The following PLCL2 variants were observed in gnomAD, a reference collection of about 807,000 sequenced individuals.
PLCL2 encodes the protein inactive phospholipase C-like protein 2.
PLCL2 carries 4 observed loss-of-function variants against 79.6 expected under a neutral mutation model. The ratio of observed to expected loss-of-function variants is 0.05; its 90% CI spans 0.02 to 0.11. The LOEUF (loss-of-function observed/expected upper bound fraction) is 0.11, where lower values mean the gene tolerates loss of function less well. Ranked by LOEUF, PLCL2 falls within the 10% of genes least tolerant of loss-of-function variation. The pLI is 1.00. For missense variants in PLCL2, 895 were observed against 1,291.0 expected, an observed-to-expected ratio of 0.69 and a Z score of 4.70; for synonymous variants, 484 against 457.7, an observed-to-expected ratio of 1.06 and a Z score of -0.73.
chr3:16,995,035 A>G (rs922249533), intron 1 of PLCL2, among the ~76,000 whole-genome samples: 2 of 152,366 alleles, frequency 1.3e-5, no homozygotes, highest in African/African-American at 2.4e-5. Context: ...AAGCCAAGCA[A>G]CAGCAGGATC....
chr3:17,088,433 GA>G (rs1232288039), intron 5 of PLCL2, among the ~76,000 whole-genome samples: 1 of 151,974 alleles, frequency 6.6e-6, no homozygotes, highest in Non-Finnish European at 1.5e-5. Flanking sequence ...AAGGGGATGG[GA>G]AAAAATAGCA....
chr3:17,010,203 A>G lies in PLCL2; in HGVS notation c.857A>G (p.His286Arg), dbSNP rs934592219. 1 of 1,614,146 alleles carries G rather than the reference A, an allele frequency of 6.2e-7. No homozygotes were observed. ...FSEIDVDNLGHITLCNAVQCI... is the reference protein window; with the variant it reads ...FSEIDVDNLGRITLCNAVQCI... ...GAAATTGATGTAGATAACCTTGGACATATAACTCTGTGTAATGCTGTGCAA... is the reference window on the plus strand; with the variant it reads ...GAAATTGATGTAGATAACCTTGGACGTATAACTCTGTGTAATGCTGTGCAA... The change falls in exon 2 of 6, where the codon CAT becomes CGT. Residue 286 changes from histidine to arginine, a missense_variant. Coordinates refer to ENST00000615277, the MANE Select transcript of PLCL2 (RefSeq NM_001144382.2). This position sits in a 1 kb window ranked among gnomAD's most constrained non-coding sequence, Gnocchi z 5.8.
At chr3:17,089,400 TAAAAG>T (rs1280518586) in intron 5 of PLCL2, among the ~76,000 whole-genome samples, 1 of 152,020 alleles carries the variant, frequency 6.6e-6, no homozygotes, top group East Asian at 1.9e-4. Flanking sequence ...AATCAAACCT[TAAAAG>T]GGAAAAAACA....
At chr3:16,985,825 G>T (rs1416586711) in intron 1 of PLCL2, among the ~76,000 whole-genome samples, 1 of 152,134 alleles carries the variant, frequency 6.6e-6, no homozygotes, top group East Asian at 1.9e-4. Context: ...TGTTTCCAGT[G>T]GCAGCTGCTG....
chr3:17,048,744 G>A (rs1219761713), intron 4 of PLCL2, among the ~76,000 whole-genome samples: 1 of 152,192 alleles, frequency 6.6e-6, no homozygotes, highest in African/African-American at 2.4e-5. Flanking sequence ...CTCTGACTGA[G>A]CAGTTTATCA....
chr3:16,921,838 T>C (rs1256612941), intron 1 of PLCL2, among the ~76,000 whole-genome samples: 2 of 152,186 alleles, frequency 1.3e-5, no homozygotes, highest in African/African-American at 4.8e-5. Context: ...GATTGAACTG[T>C]TCTTTAAGTA....
intron 1 of PLCL2, among the ~76,000 whole-genome samples, chr3:16,895,220 T>C (rs1210363779): frequency 6.6e-6 from 1 of 152,122 alleles, no homozygotes; most frequent in Admixed American, 6.5e-5. Context: ...TTAATGAAAA[T>C]TCTTAATTTT....
chr3:17,000,519 G>A (rs2064198068), intron 1 of PLCL2, among the ~76,000 whole-genome samples: 1 of 151,970 alleles, frequency 6.6e-6, no homozygotes, highest in African/African-American at 2.4e-5. Flanking sequence ...CTACTGTGCT[G>A]TCAAACTCTA....
At chr3:17,029,867 A>G (rs1575595092) in intron 3 of PLCL2, among the ~76,000 whole-genome samples, 1 of 151,854 alleles carries the variant, frequency 6.6e-6, no homozygotes, top group South Asian at 2.1e-4. Context: ...TCCTTATCTC[A>G]CCTGCCACCA....
chr3:16,928,410 G>C (rs142626024), intron 1 of PLCL2, among the ~76,000 whole-genome samples: 74 of 152,334 alleles, frequency 4.9e-4, no homozygotes, highest in Non-Finnish European at 9.7e-4. Context: ...ATTGAGGCAA[G>C]GGACTGTATG....
intron 4 of PLCL2, among the ~76,000 whole-genome samples, chr3:17,060,806 G>A (rs1344508923): frequency 6.6e-6 from 1 of 151,956 alleles, no homozygotes; most frequent in African/African-American, 2.4e-5. Flanking sequence ...CATCTTTCAG[G>A]AAATATATCA....
At chr3:17,065,563 A>G (rs986006269) in intron 4 of PLCL2, among the ~76,000 whole-genome samples, 3 of 152,190 alleles carry the variant, frequency 2.0e-5, no homozygotes, top group Non-Finnish European at 4.4e-5. Flanking sequence ...ACAGGTGATC[A>G]AGTGTTCAGC....
chr3:17,031,501 G>A (rs2064581702), intron 3 of PLCL2, among the ~76,000 whole-genome samples: 1 of 152,298 alleles, frequency 6.6e-6, no homozygotes, highest in African/African-American at 2.4e-5. Flanking sequence ...AGGATGTCGT[G>A]TAAACATATC....
intron 4 of PLCL2, 55 bp from the exon 5 acceptor site, chr3:17,067,901 C>T: frequency 1.1e-6 from 1 of 948,496 alleles, no homozygotes; most frequent in Non-Finnish European, 1.6e-6. Flanking sequence ...ATTTCCAGTT[C>T]ATTACCACAG....
intron 1 of PLCL2, among the ~76,000 whole-genome samples, chr3:16,991,258 A>T (rs1256345086): frequency 6.6e-6 from 1 of 152,144 alleles, no homozygotes. Context: ...CTGAAATGGG[A>T]TGATAGGTCC....
At chr3:17,038,106 A>G (rs771305867) in intron 3 of PLCL2, among the ~76,000 whole-genome samples, 2 of 152,146 alleles carry the variant, frequency 1.3e-5, no homozygotes, top group Non-Finnish European at 2.9e-5. Flanking sequence ...CCTGCTTTTC[A>G]TCTGCTCAAA....
chr3:17,002,690 A>G (rs941718577), intron 1 of PLCL2, among the ~76,000 whole-genome samples: 6 of 152,036 alleles, frequency 3.9e-5, no homozygotes, highest in African/African-American at 9.7e-5. Flanking sequence ...TTGTTGCCCT[A>G]TTATCTCTCC....
intron 1 of PLCL2, among the ~76,000 whole-genome samples, chr3:16,902,390 C>G (rs1041682584): frequency 3.3e-5 from 5 of 152,112 alleles, no homozygotes; most frequent in Non-Finnish European, 7.3e-5. Flanking sequence ...TGCGTGATTT[C>G]CATGCATTTA....
intron 3 of PLCL2, among the ~76,000 whole-genome samples, chr3:17,025,630 C>T (rs1012919454): frequency 2.0e-5 from 3 of 152,180 alleles, no homozygotes; most frequent in Non-Finnish European, 2.9e-5. Context: ...CTACTTGGGC[C>T]ACCTTCTGGC....
Sources: allele counts gnomAD v4.1 joint callset (sites outside exome capture counted in the v4.1 genomes callset), GRCh38; gene constraint gnomAD v4.1.1; non-coding constraint Gnocchi (gnomAD v3.1); transcripts MANE v1.5; gene names NCBI Gene and HGNC (gene_info 2026-07-23, HGNC 2026-07-21).